KSR2: variants seen among roughly 807,000 people sequenced by gnomAD.
KSR2 encodes the protein kinase suppressor of ras 2.
In KSR2, 25 loss-of-function variants were observed where a neutral mutation model predicts 107.8. The ratio of observed to expected loss-of-function variants is 0.23; its 90% confidence interval spans 0.17 to 0.32. The LOEUF is 0.32. Ranked by LOEUF, KSR2 falls within the 10% of genes least tolerant of loss-of-function variation. The pLI, the probability that KSR2 is intolerant of heterozygous loss-of-function variation, is 1.00. For synonymous variants in KSR2, 480 were observed against 507.0 expected (o/e 0.95, Z 0.71); for missense variants, 887 against 1,268.9 (o/e 0.70, Z 4.57).
At chr12:117,749,285 C>A (rs1888529794) in intron 4 of KSR2, among the ~76,000 whole-genome samples, 1 of 151,412 alleles carries the variant, frequency 6.6e-6, no homozygotes, top group Admixed American at 6.6e-5. Context: ...GAGAAGTGGG[C>A]AGCCACAGTC....
In KSR2 at chr12:117,487,765, C is replaced by T. The variant is rs551237966; in HGVS notation, c.2220-2074G>A. 4.4e-4 allele frequency among the ~76,000 whole-genome samples: 67 copies of T among 152,212 alleles called. 1 individual carries two copies. Among genetic ancestry groups the T allele is most frequent in the African/African-American group, 1.3e-3 (56 of 41,530 alleles). Reference sequence around the variant, plus strand: ...GAAAGTCTCAAGCTTCAGATTTCCACGCCTTGTCTTCTTTCCCTCCTTACA... The same window carrying T: ...GAAAGTCTCAAGCTTCAGATTTCCATGCCTTGTCTTCTTTCCCTCCTTACA... On this transcript the variant is annotated intron_variant, in intron 14 of 19. Transcript: ENST00000339824.
intron 8 of KSR2, among the ~76,000 whole-genome samples, chr12:117,558,277 TA>T (rs1877847522): frequency 6.6e-6 from 1 of 151,798 alleles, no homozygotes. Flanking sequence ...CAAAGGGAGC[TA>T]AAGTGTCAGA....
intron 1 of KSR2, among the ~76,000 whole-genome samples, chr12:117,966,334 C>A (rs772107125): frequency 1.3e-5 from 2 of 152,118 alleles, no homozygotes; most frequent in Non-Finnish European, 2.9e-5. Context: ...TGACTGCATG[C>A]AGGTCTGAAG....
intron 4 of KSR2, among the ~76,000 whole-genome samples, chr12:117,706,124 A>G (rs1248095890): frequency 6.7e-6 from 1 of 150,036 alleles, no homozygotes; most frequent in Non-Finnish European, 1.5e-5. Flanking sequence ...GCTCACTGCA[A>G]TCTCTGCCCC....
intron 1 of KSR2, among the ~76,000 whole-genome samples, chr12:117,961,957 C>T (rs151179590): frequency 9.5e-4 from 145 of 152,028 alleles, no homozygotes; most frequent in African/African-American, 3.3e-3. Flanking sequence ...CCAGCCTGGG[C>T]AACAAAGCAA....
intron 16 of KSR2, among the ~76,000 whole-genome samples, chr12:117,483,182 C>T (rs1433071918): frequency 6.6e-6 from 1 of 152,064 alleles, no homozygotes; most frequent in Non-Finnish European, 1.5e-5. Context: ...ATTTTGTAGA[C>T]TATGGTTAAT....
intron 1 of KSR2, among the ~76,000 whole-genome samples, chr12:117,936,544 A>AGTG (rs1332123572): frequency 4.7e-5 from 7 of 148,688 alleles, no homozygotes; most frequent in African/African-American, 1.7e-4. Context: ...TAGTAGTAGT[A>AGTG]GTAGTAGTAG....
intron 3 of KSR2, among the ~76,000 whole-genome samples, chr12:117,846,450 C>A (rs951151841): frequency 1.3e-5 from 2 of 151,850 alleles, no homozygotes; most frequent in South Asian, 2.1e-4. Context: ...TGTGCCACCA[C>A]ACCCAGTTAG....
chr12:117,707,586 G>A (rs1046711813), intron 4 of KSR2, among the ~76,000 whole-genome samples: 6 of 152,162 alleles, frequency 3.9e-5, no homozygotes, highest in African/African-American at 1.4e-4. Context: ...GGGATATGAG[G>A]AATAAGAGTA....
intron 1 of KSR2, among the ~76,000 whole-genome samples, chr12:117,962,272 A>G (rs574351301): frequency 2.8e-4 from 42 of 151,804 alleles, no homozygotes; most frequent in Non-Finnish European, 6.0e-4. Context: ...CCAGCTCAAA[A>G]CTACCTCTAC....
At chr12:117,753,799 T>A (rs1888690121) in intron 4 of KSR2, among the ~76,000 whole-genome samples, 1 of 142,674 alleles carries the variant, frequency 7.0e-6, no homozygotes, top group Admixed American at 7.2e-5. Flanking sequence ...CTTGTACCCG[T>A]GACCTTAAAA....
intron 3 of KSR2, among the ~76,000 whole-genome samples, chr12:117,793,726 A>G (rs1287944152): frequency 6.7e-6 from 1 of 148,818 alleles, no homozygotes; most frequent in Non-Finnish European, 1.5e-5. Flanking sequence ...CACTCACACC[A>G]GCATGCACTC....
chr12:117,777,451 G>A (rs1245954712), intron 3 of KSR2, among the ~76,000 whole-genome samples: 2 of 152,146 alleles, frequency 1.3e-5, no homozygotes, highest in Non-Finnish European at 2.9e-5. Flanking sequence ...CACCATGAGA[G>A]CTGAAATGAG....
intron 4 of KSR2, among the ~76,000 whole-genome samples, chr12:117,727,212 TAA>T (rs56217436): frequency 2.1e-5 from 3 of 139,970 alleles, no homozygotes; most frequent in Non-Finnish European, 3.1e-5. Context: ...CCCATCTCTA[TAA>T]AAAAAAAAAA....
chr12:117,491,171 T>G (rs1327058835), intron 14 of KSR2, among the ~76,000 whole-genome samples: 1 of 152,134 alleles, frequency 6.6e-6, no homozygotes, highest in Non-Finnish European at 1.5e-5. Flanking sequence ...CATGTGGTAT[T>G]TGTCTTTTAA....
intron 3 of KSR2, among the ~76,000 whole-genome samples, chr12:117,832,241 G>T (rs961180660): frequency 6.6e-6 from 1 of 152,164 alleles, no homozygotes; most frequent in African/African-American, 2.4e-5. Context: ...CCAAGATCAT[G>T]CCATTGCACT....
intron 3 of KSR2, among the ~76,000 whole-genome samples, chr12:117,801,009 T>G (rs1426562200): frequency 6.6e-6 from 1 of 152,226 alleles, no homozygotes; most frequent in East Asian, 1.9e-4. Context: ...GATGGGCATT[T>G]GGGTTGGTTC....
chr12:117,960,132 C>A (rs1896618644), intron 1 of KSR2, among the ~76,000 whole-genome samples: 1 of 151,982 alleles, frequency 6.6e-6, no homozygotes, highest in African/African-American at 2.4e-5. Flanking sequence ...TTCCCTCTGC[C>A]TGGCACACTC....
rs140055034 is a variant in KSR2, at chr12:117,893,697, C to T, written c.181-33266G>A. ...AGAGAGCACCTAGGAGTACCCAGAA[C>T]TACCAAAAACAAGTAGGTGCTTGCT... On this transcript the variant is annotated intron_variant, in intron 1 of 19. Coordinates refer to ENST00000339824, the MANE Select transcript of KSR2 (RefSeq NM_173598.6). 1.2e-3 allele frequency among the ~76,000 whole-genome samples: 182 copies of T among 152,290 alleles called. 2 individuals carry two copies. Among genetic ancestry groups the T allele is most frequent in the Non-Finnish European group, 2.5e-4 (17 of 68,026 alleles).
Sources: gnomAD v4.1 joint callset for allele counts (sites outside exome capture counted in the v4.1 genomes callset) on GRCh38, gnomAD v4.1.1 for gene constraint, MANE v1.5 for transcripts, NCBI Gene and HGNC (gene_info 2026-07-23, HGNC 2026-07-21) for gene names.